The following CADM2 variants were observed in gnomAD, a reference collection of about 807,000 sequenced individuals.
The protein encoded by CADM2 is cell adhesion molecule 2, also known as immunoglobulin superfamily member 4D.
A neutral mutation model predicts 49.8 loss-of-function variants in CADM2; 12 were observed. The ratio of observed to expected loss-of-function variants is 0.24; its 90% CI spans 0.15 to 0.39. The LOEUF is 0.39. Ranked by LOEUF, CADM2 falls within the 10% of genes least tolerant of loss-of-function variation. The pLI is 1.00. For missense variants in CADM2, 378 were observed against 492.3 expected, an observed-to-expected ratio of 0.77 and a Z score of 2.20; for synonymous variants, 214 against 175.4, an observed-to-expected ratio of 1.22 and a Z score of -1.74.
intron 1 of CADM2, among the ~76,000 whole-genome samples, chr3:85,573,150 G>C (rs973977439): frequency 6.7e-6 from 1 of 148,616 alleles, no homozygotes; most frequent in African/African-American, 2.5e-5. Context: ...ATATAAAAAC[G>C]TGCTTATTTT....
At position 85,321,303 on chromosome 3, in the gene CADM2, G is replaced by C. The variant is rs568875388; in HGVS notation, c.61+361635G>C. Reference sequence around the variant, plus strand: ...TTCTCCTGCCTCAGCCTTCCAAGTAGCTAGGACTACAGGGATGCACCACTG... The same window carrying C: ...TTCTCCTGCCTCAGCCTTCCAAGTACCTAGGACTACAGGGATGCACCACTG... On this transcript the variant is annotated intron_variant, in intron 1 of 9. Transcript: ENST00000383699. Among the ~76,000 whole-genome samples, 8 of 150,240 alleles carry C rather than the reference G, an allele frequency of 5.3e-5. No homozygotes were observed. The South Asian group carries it at 1.1e-3, about 20-fold the overall frequency.
intron 1 of CADM2, among the ~76,000 whole-genome samples, chr3:85,288,786 C>CCCG (rs2043700157): frequency 1.4e-5 from 1 of 70,788 alleles, no homozygotes; most frequent in Non-Finnish European, 2.4e-5. Flanking sequence ...ACCAATATGC[C>CCCG]CCCCCCCCCT....
chr3:85,363,811 C>G (rs922850566), intron 1 of CADM2, among the ~76,000 whole-genome samples: 2 of 151,016 alleles, frequency 1.3e-5, no homozygotes, highest in African/African-American at 4.9e-5. Flanking sequence ...CGATGTTTCA[C>G]CGTGTTAGCC....
chr3:85,379,165 A>G (rs1287093684), intron 1 of CADM2, among the ~76,000 whole-genome samples: 2 of 151,944 alleles, frequency 1.3e-5, no homozygotes, highest in African/African-American at 4.8e-5. Flanking sequence ...AAATATTACC[A>G]TTGTAAACTC....
At chr3:85,529,938 C>T (rs892160553) in intron 1 of CADM2, among the ~76,000 whole-genome samples, 5 of 152,048 alleles carry the variant, frequency 3.3e-5, no homozygotes, top group African/African-American at 9.7e-5. Flanking sequence ...CTTCATAGCA[C>T]TTATCTATGT....
chr3:85,198,853 A>G (rs2041412937), intron 1 of CADM2, among the ~76,000 whole-genome samples: 1 of 151,860 alleles, frequency 6.6e-6, no homozygotes, highest in African/African-American at 2.4e-5. Context: ...CATATTAAAG[A>G]CTTAGAATAC....
intron 1 of CADM2, among the ~76,000 whole-genome samples, chr3:85,236,484 A>C (rs894769287): frequency 6.6e-6 from 1 of 152,036 alleles, no homozygotes; most frequent in Non-Finnish European, 1.5e-5. Context: ...TTAATGGTTT[A>C]TTTTTAAAGA....
At chr3:85,888,614 CTATG>C (rs1391148714) in intron 5 of CADM2, among the ~76,000 whole-genome samples, 8 of 152,150 alleles carry the variant, frequency 5.3e-5, no homozygotes, top group Admixed American at 2.0e-4. Flanking sequence ...ATCTATGTAT[CTATG>C]TATCTATCTA....
At chr3:84,996,834 T>C (rs975164136) in intron 1 of CADM2, among the ~76,000 whole-genome samples, 1 of 152,108 alleles carries the variant, frequency 6.6e-6, no homozygotes, top group Admixed American at 6.6e-5. Flanking sequence ...TTTGAATAAT[T>C]CTATGGTGTT....
intron 1 of CADM2, among the ~76,000 whole-genome samples, chr3:85,301,540 C>G (rs1476775654): frequency 6.6e-6 from 1 of 151,980 alleles, no homozygotes; most frequent in African/African-American, 2.4e-5. Flanking sequence ...AATAATTCAT[C>G]AGATAGTGTC....
At chr3:86,023,050 G>T (rs1274700557) in intron 8 of CADM2, among the ~76,000 whole-genome samples, 1 of 152,078 alleles carries the variant, frequency 6.6e-6, no homozygotes, top group Non-Finnish European at 1.5e-5. Context: ...CAGGGTTCTA[G>T]CATTTTTTAC....
intron 1 of CADM2, among the ~76,000 whole-genome samples, chr3:85,110,527 A>G (rs754292826): frequency 2.0e-5 from 3 of 151,902 alleles, no homozygotes; most frequent in Non-Finnish European, 4.4e-5. Context: ...ATGATTACAA[A>G]TCATATGTTA....
chr3:85,342,111 C>T (rs534650131), intron 1 of CADM2, among the ~76,000 whole-genome samples: 2 of 152,086 alleles, frequency 1.3e-5, no homozygotes, highest in South Asian at 2.1e-4. Context: ...GCAATCTATC[C>T]ATCTGACAAA....
intron 1 of CADM2, among the ~76,000 whole-genome samples, chr3:85,567,212 G>C (rs1428217246): frequency 6.8e-6 from 1 of 147,640 alleles, no homozygotes; most frequent in African/African-American, 2.4e-5. Context: ...ATATATTCTT[G>C]TTGTGTGCAA....
Position 86,000,660 on chromosome 3 carries a change from C to G in CADM2, c.970+39013C>G, listed in dbSNP as rs545784356. Among the ~76,000 whole-genome samples, 43 of 149,460 alleles carry G rather than the reference C, an allele frequency of 2.9e-4. No homozygotes were observed. In the Middle Eastern group the frequency reaches 0.01, roughly 36 times the overall value. On this transcript the variant is annotated intron_variant, in intron 8 of 9. Transcript: ENST00000383699. ...TTTCACGGATAGGAAATAGCAAATG[C>G]AAAGTTCCTGAGTGGAACAGAAAGA...
chr3:86,058,804 T>C (rs1402367573), intron 8 of CADM2, among the ~76,000 whole-genome samples: 1 of 151,880 alleles, frequency 6.6e-6, no homozygotes, highest in African/African-American at 2.4e-5. Context: ...TATAAAAAAA[T>C]TTTACATGGT....
intron 1 of CADM2, among the ~76,000 whole-genome samples, chr3:85,014,141 G>A (rs537358365): frequency 2.1e-5 from 3 of 142,634 alleles, no homozygotes; most frequent in African/African-American, 5.2e-5. Flanking sequence ...TTATATATAC[G>A]CAGTGTAATA....
chr3:85,098,067 A>G (rs2037870612), intron 1 of CADM2, among the ~76,000 whole-genome samples: 1 of 152,176 alleles, frequency 6.6e-6, no homozygotes, highest in South Asian at 2.1e-4. Context: ...CCTAGGCTAT[A>G]AGGATTGATA....
intron 1 of CADM2, among the ~76,000 whole-genome samples, chr3:85,601,640 AC>A (rs1435553295): frequency 2.0e-5 from 3 of 151,126 alleles, no homozygotes; most frequent in African/African-American, 7.3e-5. Flanking sequence ...TTTTAAAAAA[AC>A]GTTTATATTC....
Sources: allele counts gnomAD v4.1 joint callset (sites outside exome capture counted in the v4.1 genomes callset), GRCh38; gene constraint gnomAD v4.1.1; transcripts MANE v1.5; gene names NCBI Gene and HGNC (gene_info 2026-07-23, HGNC 2026-07-21).